The following PGBD5 variants were observed in gnomAD, a reference collection of about 807,000 sequenced individuals.
The protein encoded by PGBD5 is piggyBac transposable element-derived protein 5.
Under a neutral mutation model 47.9 loss-of-function variants are expected in PGBD5, and 14 were observed. That is an observed-to-expected ratio of 0.29 (90% CI 0.19 to 0.46). The LOEUF (loss-of-function observed/expected upper bound fraction) is 0.46. Among genes scored for constraint, PGBD5 ranks in the 20% least tolerant of loss-of-function variants. The pLI is 1.00. For missense variants in PGBD5, 635 were observed against 716.0 expected (o/e 0.89, Z 1.29); for synonymous variants, 316 against 306.3 (o/e 1.03, Z -0.33).
intron 1 of PGBD5, among the ~76,000 whole-genome samples, chr1:230,406,311 CAAA>C (rs67577027): frequency 1.8e-5 from 1 of 54,662 alleles, no homozygotes; most frequent in African/African-American, 7.2e-5. Flanking sequence ...GACTCCGTCT[CAAA>C]AAAAAAAAAA....
intron 5 of PGBD5, among the ~76,000 whole-genome samples, chr1:230,329,126 G>GT (rs1192136205): frequency 6.6e-6 from 1 of 151,402 alleles, no homozygotes; most frequent in East Asian, 1.9e-4. Context: ...TTTTTTTGGG[G>GT]GGGGAGGTGG....
chr1:230,333,122 G>A, intron 4 of PGBD5, 81 bp from the exon 5 acceptor site: 1 of 1,434,214 alleles, frequency 7.0e-7, no homozygotes, highest in Non-Finnish European at 9.5e-7. Flanking sequence ...CACCCCCAAG[G>A]AAAGGACGGG....
intron 5 of PGBD5, 37 bp downstream of exon 5, chr1:230,332,807 G>A (rs777660450): frequency 1.2e-6 from 2 of 1,612,038 alleles, no homozygotes; most frequent in Admixed American, 3.3e-5. Context: ...ACCAATCCCC[G>A]CGCGCCCCAC....
intron 5 of PGBD5, 136 bp downstream of exon 5, chr1:230,332,708 G>T: frequency 9.9e-7 from 1 of 1,011,754 alleles, no homozygotes; most frequent in Non-Finnish European, 1.5e-6. Context: ...CCCAGATGCT[G>T]GGGAATAACC....
chr1:230,412,304 T>A (rs1246785163), intron 1 of PGBD5, among the ~76,000 whole-genome samples: 1 of 152,080 alleles, frequency 6.6e-6, no homozygotes, highest in Admixed American at 6.5e-5. Context: ...ACTAATAGCC[T>A]ACTGTTGAGT....
At chr1:230,408,160 G>T (rs1248538167) in intron 1 of PGBD5, among the ~76,000 whole-genome samples, 5 of 152,186 alleles carry the variant, frequency 3.3e-5, no homozygotes, top group Admixed American at 3.3e-4. Context: ...GCCACTGACA[G>T]CATGAGAGGT....
chr1:230,363,593 A>C (rs995570111), intron 1 of PGBD5, among the ~76,000 whole-genome samples: 2 of 152,072 alleles, frequency 1.3e-5, no homozygotes, highest in Non-Finnish European at 2.9e-5. Context: ...AAAAAAAAAA[A>C]AGTGGCTTTA....
At position 230,335,779 on chromosome 1, in the gene PGBD5, A is replaced by G. The variant is rs371245820; in HGVS notation, c.1075+1329T>C. On this transcript the variant is annotated intron_variant, in intron 4 of 6. Coordinates refer to ENST00000391860, the MANE Select transcript of PGBD5 (RefSeq NM_001258311.2). Reference sequence around the variant, plus strand: ...CAGATACACAGATACAGACAGACACACACACACACACAGGCACAAAGACAC... The same window carrying G: ...CAGATACACAGATACAGACAGACACGCACACACACACAGGCACAAAGACAC... Among the ~76,000 whole-genome samples, 17 of 105,764 alleles carry G rather than the reference A, an allele frequency of 1.6e-4. 1 individual carries two copies. Among genetic ancestry groups the G allele is most frequent in the African/African-American group, 2.5e-4 (8 of 31,574 alleles). The allele number at this position is 105,764 out of a possible 152,430, so 69.4% of individuals were successfully genotyped here. A position where few individuals can be genotyped will look rare whatever the true frequency, so the allele number is the denominator to read the frequency against.
At chr1:230,398,923 G>C (rs1363009293) in intron 1 of PGBD5, among the ~76,000 whole-genome samples, 1 of 152,164 alleles carries the variant, frequency 6.6e-6, no homozygotes, top group Admixed American at 6.5e-5. Flanking sequence ...GCTGGATGCA[G>C]AGTGCTCCAA....
chr1:230,412,822 A>G (rs1363494434), intron 1 of PGBD5, among the ~76,000 whole-genome samples: 1 of 152,182 alleles, frequency 6.6e-6, no homozygotes, highest in Non-Finnish European at 1.5e-5. Context: ...CACCCAGTGC[A>G]AACCTGTGTT....
intron 1 of PGBD5, among the ~76,000 whole-genome samples, chr1:230,380,130 T>C (rs138125958): frequency 2.4e-3 from 363 of 152,322 alleles, no homozygotes; most frequent in African/African-American, 8.3e-3. Flanking sequence ...GAGTTTGTGA[T>C]GCATCTGTCC....
chr1:230,380,065 G>A (rs997047477), intron 1 of PGBD5, among the ~76,000 whole-genome samples: 25 of 152,218 alleles, frequency 1.6e-4, no homozygotes, highest in African/African-American at 4.8e-4. Context: ...AGCAGGGGCC[G>A]TGTGCTATTT....
chr1:230,362,241 T>C, intron 1 of PGBD5: 2 of 1,359,550 alleles, frequency 1.5e-6, no homozygotes, highest in Non-Finnish European at 2.0e-6. Flanking sequence ...GAGACCTGGC[T>C]GGGATTTAGC....
intron 5 of PGBD5, among the ~76,000 whole-genome samples, chr1:230,330,167 C>T (rs1667189805): frequency 6.6e-6 from 1 of 152,188 alleles, no homozygotes; most frequent in Non-Finnish European, 1.5e-5. Flanking sequence ...TGTGCAACCT[C>T]TCCAGCAGTC....
At chr1:230,363,908 T>C (rs1045024369) in intron 1 of PGBD5, among the ~76,000 whole-genome samples, 2 of 152,164 alleles carry the variant, frequency 1.3e-5, no homozygotes, top group Admixed American at 1.3e-4. Flanking sequence ...CCAATCTCGT[T>C]GTTTTCTCAA....
intron 1 of PGBD5, among the ~76,000 whole-genome samples, chr1:230,386,798 T>C (rs1241204468): frequency 6.6e-6 from 1 of 152,268 alleles, no homozygotes; most frequent in East Asian, 1.9e-4. Context: ...AAATGTGTTA[T>C]AAATATAGCC....
At chr1:230,368,163 G>T (rs751526814) in intron 1 of PGBD5, 10 of 1,365,874 alleles carry the variant, frequency 7.3e-6, no homozygotes, top group Non-Finnish European at 9.8e-6. Context: ...GAGGAATAAG[G>T]TGGAGGAGAG....
intron 1 of PGBD5, chr1:230,368,185 G>A: frequency 1.5e-6 from 2 of 1,350,712 alleles, no homozygotes; most frequent in Non-Finnish European, 2.0e-6. Context: ...GAAGGCTTGG[G>A]GAGATGGATA....
chr1:230,317,455 G>C lies in PGBD5; in HGVS notation c.*5970C>G, dbSNP rs1326003370. On this transcript the variant is annotated 3_prime_UTR_variant, in exon 7 of 7. Transcript: ENST00000391860. The stretch of plus-strand genomic sequence containing the variant: ...CCATACAGGGAGACGTGACCTGCTG[G>C]AACAGAAATGCTCCATGTGCATTAA... The C allele has an allele frequency of 6.6e-6, 1 of 152,222 alleles. No homozygotes were observed. Among genetic ancestry groups the C allele is most frequent in the Non-Finnish European group, 1.5e-5 (1 of 68,046 alleles). The allele number at this position is 152,222 out of a possible 1,614,324, so 9.4% of individuals were successfully genotyped here.
Sources: gnomAD v4.1 joint callset for allele counts (sites outside exome capture counted in the v4.1 genomes callset) on GRCh38, gnomAD v4.1.1 for gene constraint, MANE v1.5 for transcripts, NCBI Gene and HGNC (gene_info 2026-07-23, HGNC 2026-07-21) for gene names.